Variants in ANO8 observed in about 807,000 individuals in gnomAD.
The protein encoded by ANO8 is anoctamin-8.
ANO8 carries 67 observed loss-of-function variants against 120.4 expected under a neutral mutation model. The ratio of observed to expected loss-of-function variants is 0.56; its 90% confidence interval spans 0.46 to 0.68. ANO8 has a LOEUF of 0.68. ANO8 is among the 30% of genes least tolerant of loss of function. The pLI, the probability that ANO8 is intolerant of heterozygous loss-of-function variation, is 0.00. For missense variants in ANO8, 1,526 were observed against 1,737.6 expected, an observed-to-expected ratio of 0.88 and a Z score of 2.16; for synonymous variants, 727 against 759.2, an observed-to-expected ratio of 0.96 and a Z score of 0.70.
In ANO8 at chr19:17,329,953, A is replaced by G; in HGVS notation, c.1329+6T>C. On this transcript the variant is annotated splice_donor_region_variant and intron_variant, in intron 11 of 17. Transcript: ENST00000159087. ...TCCCCCTGCCTGTCCGATGGTGGTG[A>G]CTCACCAGGACAACTTTGATGATGA... 6.2e-7 allele frequency: 1 copy of G among 1,613,652 alleles called. No homozygotes were observed. Among genetic ancestry groups the G allele is most frequent in the South Asian group, 1.1e-5 (1 of 91,070 alleles).
In ANO8 at chr19:17,328,446, C is replaced by T. The variant is rs1384911693; in HGVS notation, c.1942G>A (p.Gly648Arg). ...AGGGTGAACACTCCCGGCTCCAGCC[C>T]CTTCTCCACCATAGTGGGGCTCCCT... is the stretch of plus-strand genomic sequence containing the variant. The part of the protein sequence containing the change: ...EEGSPTMVEK[G>R]LEPGVFTLAE... The change falls in exon 13 of 18, where the codon GGG (glycine) becomes AGG (arginine). Residue 648 changes from glycine to arginine, a missense_variant. Around this residue, in one of 8 missense-constraint regions of ANO8, gnomAD observed 467 missense variants for 425.8 expected, o/e 1.10. Coordinates refer to ENST00000159087, the MANE Select transcript of ANO8 (RefSeq NM_020959.3). The T allele has an allele frequency of 8.2e-6, 13 of 1,576,374 alleles. No homozygotes were observed. Among genetic ancestry groups the T allele is most frequent in the Admixed American group, 1.8e-5 (1 of 55,350 alleles).
At chr19:17,328,137 C>CTGCGAGGCCCCGCCCCT in intron 13 of ANO8, 25 bp downstream of exon 13, 1 of 1,515,874 alleles carries the variant, frequency 6.6e-7, no homozygotes, top group Non-Finnish European at 8.8e-7. Flanking sequence ...GCCCCGCCCC[C>CTGCGAGGCCCCGCCCCT]TGCGAGGCCC....
At position 17,325,280 on chromosome 19, in the gene ANO8, T is replaced by A; in HGVS notation, c.2768A>T (p.Asp923Val). The change falls in exon 17 of 18, where the codon GAT (aspartate) becomes GTT (valine). Residue 923 changes from aspartate to valine, a missense_variant. Coordinates refer to ENST00000159087, the MANE Select transcript of ANO8 (RefSeq NM_020959.3). ...HAEHHARREH[D>V]SGGREEARAE... is the part of the protein sequence containing the mutation. ...CCTCGCCTCCTCTCGGCCACCAGAA[T>A]CATGCTCCCGCCGGGCATGGTGCTC... The A allele has an allele frequency of 6.2e-7, 1 of 1,607,622 alleles. No individual in the cohort carries two copies.
chr19:17,327,659 C>A (rs1167052360), intron 14 of ANO8, 30 bp downstream of exon 14: 1 of 1,609,646 alleles, frequency 6.2e-7, no homozygotes, highest in Admixed American at 1.7e-5. Context: ...CCCTCTGGGC[C>A]TCAGCTCGGA....
In ANO8 at chr19:17,325,459, T is replaced by C. The variant is rs2074268507; in HGVS notation, c.2662-73A>G. On this transcript the variant is annotated intron_variant, in intron 16 of 17. Coordinates refer to ENST00000159087, the MANE Select transcript of ANO8 (RefSeq NM_020959.3). ...GCGGGTGCCAGCTGAGGCTGGTGCA[T>C]GCCAGGGCTCTCTGCAAAAGTGGGG... 12 of 1,498,788 alleles carry C rather than the reference T, an allele frequency of 8.0e-6. 1 individual carries two copies. The South Asian group carries it at 1.5e-4, about 18-fold the overall frequency. The allele number at this position is 1,498,788 out of a possible 1,614,324, so 92.8% of individuals were successfully genotyped here.
chr19:17,323,623 G>A lies in ANO8; in HGVS notation c.3593C>T (p.Pro1198Leu). 2.4e-6 allele frequency: 3 copies of A among 1,231,306 alleles called. No individual in the cohort carries two copies. The highest frequency in any genetic ancestry group is 3.1e-6 in the Non-Finnish European group (3 of 980,432). 76.3% of individuals were successfully genotyped at this position (1,231,306 alleles called of 1,614,324 possible). Residue 1198 changes from proline (P) to leucine (L), a missense_variant, in exon 18 of 18, where the codon CCG becomes CTG. By Grantham distance (98) the Pro-to-Leu change is moderately conservative. Around this residue, in one of 8 missense-constraint regions of ANO8, gnomAD observed 489 missense variants for 548.6 expected, o/e 0.89. Transcript: ENST00000159087. ...CGAGGTGGGCGGTAGCGGTGGGGGCGGGAGGCTGTAAAAGCTGGCGTCTCC... is the reference window on the plus strand; with the variant it reads ...CGAGGTGGGCGGTAGCGGTGGGGGCAGGAGGCTGTAAAAGCTGGCGTCTCC... ...LPGDASFYSL[P>L]PPPLPPTSDP...
intron 16 of ANO8, among the ~76,000 whole-genome samples, chr19:17,326,133 C>T (rs1227234839): frequency 6.6e-6 from 1 of 152,198 alleles, no homozygotes; most frequent in Non-Finnish European, 1.5e-5. Context: ...TGCCAGACAG[C>T]GTCTTAGGAA....
intron 17 of ANO8, 125 bp downstream of exon 17, chr19:17,324,592 G>C (rs1171983812): frequency 4.1e-6 from 6 of 1,454,160 alleles, no homozygotes; most frequent in Non-Finnish European, 5.4e-6. Context: ...CACTGACCCA[G>C]GTCCCCACCA....
chr19:17,323,802 C>T lies in ANO8; in HGVS notation c.3414G>A (p.Leu1138=), dbSNP rs1045523086. 13 of 1,152,944 alleles carry T rather than the reference C, an allele frequency of 1.1e-5. No homozygotes were observed. The African/African-American group carries it at 2.1e-4, about 19-fold the overall frequency. The allele number at this position is 1,152,944 out of a possible 1,614,324, so 71.4% of individuals were successfully genotyped here. A position where few individuals can be genotyped will look rare whatever the true frequency, so the allele number is the denominator to read the frequency against. ...CTGCGGGCGGTGTCGGGGGCCGGGG[C>T]AGCGGCATTGGCGGCGGCGGCGCGG... ...RSPAPPPPMP[L]PRPPTPPAGC... The change falls in exon 18 of 18, where the codon CTG becomes CTA. Residue 1138 remains leucine (L), a synonymous_variant. Coordinates refer to ENST00000159087, the MANE Select transcript of ANO8 (RefSeq NM_020959.3).
chr19:17,328,305 G>C lies in ANO8; in HGVS notation c.2083C>G (p.Pro695Ala), dbSNP rs1437079574. The change falls in exon 13 of 18, where the codon CCG (proline) becomes GCG (alanine). Residue 695 changes from proline to alanine, a missense_variant. Physicochemically the swap from Pro to Ala is conservative, Grantham distance 27 (BLOSUM62 -1). Coordinates refer to ENST00000159087, the MANE Select transcript of ANO8 (RefSeq NM_020959.3). ...CTGTTGGAGCCGGGTTCCGGGTCCG[G>C]GCCCCCGTCGGGCCCCTGGTCTCGG... Reference protein sequence around the residue: ...EGRDQGPDGGPDPEPGSNSDS... With the variant: ...EGRDQGPDGGADPEPGSNSDS... 1 of 1,600,150 alleles carries C rather than the reference G, an allele frequency of 6.2e-7. No individual in the cohort carries two copies. The highest frequency in any genetic ancestry group is 1.3e-5 in the African/African-American group (1 of 74,790).
intron 5 of ANO8, among the ~76,000 whole-genome samples, chr19:17,331,707 C>A (rs145461635): frequency 0.025 from 3,690 of 149,106 alleles, 144 homozygotes; most frequent in African/African-American, 0.087. Context: ...AGTGCAGTGG[C>A]GTGATCTCCG....
chr19:17,327,985 C>A (rs2074284542), intron 13 of ANO8, 105 bp from the exon 14 acceptor site: 6 of 1,474,386 alleles, frequency 4.1e-6, no homozygotes, highest in Non-Finnish European at 4.6e-6. Flanking sequence ...CAGGGCCTGT[C>A]CCCATCCTCA....
chr19:17,329,050 C>A, intron 12 of ANO8, 67 bp from the exon 13 acceptor site: 2 of 1,290,760 alleles, frequency 1.5e-6, no homozygotes, highest in Non-Finnish European at 1.0e-6. Flanking sequence ...TCGGGGGACT[C>A]ACCCTCCCTG....
Position 17,330,454 on chromosome 19 carries a change from C to T in ANO8, c.1044G>A (p.Pro348=), listed in dbSNP as rs933309760. 1.7e-5 allele frequency: 27 copies of T among 1,564,940 alleles called. No individual in the cohort carries two copies. The highest frequency in any genetic ancestry group is 2.7e-5 in the African/African-American group (2 of 73,500). The change falls in exon 9 of 18, where the codon CCG becomes CCA. Residue 348 remains proline (P), a synonymous_variant. Transcript: ENST00000159087. ...PITRAEEFYY[P]PWKRLLFQLL... is the part of the protein sequence containing the mutation. ...GCTGGAAGAGCAGCCGCTTCCAGGG[C>T]GGGTAGTAGAACTCCTCGGCCCGCG...
At position 17,331,141 on chromosome 19, in the gene ANO8, C is replaced by G; in HGVS notation, c.778G>C (p.Val260Leu). The G allele has an allele frequency of 6.2e-7, 1 of 1,614,172 alleles. No homozygotes were observed. The highest frequency in any genetic ancestry group is 1.1e-5 in the South Asian group (1 of 91,080). Residue 260 changes from valine (V) to leucine (L), a missense_variant, in exon 7 of 18, where the codon GTA becomes CTA. Coordinates refer to ENST00000159087, the MANE Select transcript of ANO8 (RefSeq NM_020959.3). Reference sequence around the variant, plus strand: ...ACAGACCCGAAGACAGCTGGGTATACCATAGCCGACGTGTAGAAGCCCAGC... The same window carrying G: ...ACAGACCCGAAGACAGCTGGGTATAGCATAGCCGACGTGTAGAAGCCCAGC... ...AWLGFYTSAM[V>L]YPAVFGSVLY...
chr19:17,327,090 G>T, intron 16 of ANO8, 145 bp downstream of exon 16: 2 of 774,430 alleles, frequency 2.6e-6, no homozygotes, highest in Non-Finnish European at 4.0e-6. Flanking sequence ...GTGAGCCACT[G>T]CACCCAGCCA....
Position 17,327,341 on chromosome 19 carries a change from A to G in ANO8, c.2555T>C (p.Phe852Ser), listed in dbSNP as rs762849091. Reference sequence around the variant, plus strand: ...GATGAGGTACTTGAGGAGCAGAGCGAAGTGCTGCAGGGGTGGCAGAGAGGA... The same window carrying G: ...GATGAGGTACTTGAGGAGCAGAGCGGAGTGCTGCAGGGGTGGCAGAGAGGA... ...AIVSVVVLEH[F>S]ALLLKYLIHV... is the part of the protein sequence containing the mutation. Residue 852 changes from phenylalanine (F) to serine (S), a missense_variant, in exon 16 of 18, where the codon TTC becomes TCC. Around this residue, in one of 8 missense-constraint regions of ANO8, gnomAD observed 489 missense variants for 548.6 expected, o/e 0.89. Coordinates refer to ENST00000159087, the MANE Select transcript of ANO8 (RefSeq NM_020959.3). 2.6e-6 allele frequency: 4 copies of G among 1,550,602 alleles called. No individual in the cohort carries two copies. The highest frequency in any genetic ancestry group is 3.5e-6 in the Non-Finnish European group (4 of 1,146,572).
intron 8 of ANO8, 27 bp from the exon 9 acceptor site, chr19:17,330,531 G>A (rs1236824240): frequency 6.7e-6 from 10 of 1,488,418 alleles, no homozygotes; most frequent in Non-Finnish European, 8.1e-6. Context: ...ACCGGGCCCA[G>A]CATGAGCTCA....
Position 17,328,474 on chromosome 19 carries a change from C to T in ANO8, c.1914G>A (p.Glu638=), listed in dbSNP as rs537439476. 6.4e-6 allele frequency: 10 copies of T among 1,571,660 alleles called. No individual in the cohort carries two copies. The African/African-American group carries it at 1.1e-4, about 17-fold the overall frequency. Residue 638 remains glutamate, a synonymous_variant, in exon 13 of 18, where the codon GAG becomes GAA. Coordinates refer to ENST00000159087, the MANE Select transcript of ANO8 (RefSeq NM_020959.3). The part of the protein sequence containing the change: ...RPGPSPEALL[E]EGSPTMVEKG... ...TCTCCACCATAGTGGGGCTCCCTTC[C>T]TCCAGGAGGGCCTCCGGGCTTGGGC...
Sources: allele counts gnomAD v4.1 joint callset (sites outside exome capture counted in the v4.1 genomes callset), GRCh38; gene constraint gnomAD v4.1.1; regional missense constraint gnomAD v4.1.1; transcripts MANE v1.5; gene names NCBI Gene and HGNC (gene_info 2026-07-23, HGNC 2026-07-21).